Variants in UBAC2 observed in about 807,000 individuals in gnomAD.
UBAC2 encodes UBA domain containing 2.
Under a neutral mutation model 44.0 loss-of-function variants are expected in UBAC2, and 26 were observed. That is an observed-to-expected ratio of 0.59 (90% CI 0.43 to 0.82). The LOEUF is 0.82. Ranked by LOEUF, UBAC2 falls within the 40% of genes least tolerant of loss-of-function variation. The pLI is 0.00. For synonymous variants in UBAC2, 155 were observed against 154.3 expected, an observed-to-expected ratio of 1.00 and a Z score of -0.04; for missense variants, 329 against 419.4, an observed-to-expected ratio of 0.78 and a Z score of 1.88.
chr13:99,224,999 C>A (rs1179528417), intron 1 of UBAC2, among the ~76,000 whole-genome samples: 1 of 152,050 alleles, frequency 6.6e-6, no homozygotes, highest in Non-Finnish European at 1.5e-5. Flanking sequence ...GATTTTTGCT[C>A]ATTTTGAGAG....
At chr13:99,316,739 T>C (rs1594120530) in intron 5 of UBAC2, among the ~76,000 whole-genome samples, 1 of 152,218 alleles carries the variant, frequency 6.6e-6, no homozygotes, top group South Asian at 2.1e-4. Flanking sequence ...GACAAAATGA[T>C]ACGCTCTTTT....
intron 1 of UBAC2, among the ~76,000 whole-genome samples, chr13:99,204,884 AG>A (rs1313646139): frequency 6.9e-6 from 1 of 144,962 alleles, no homozygotes; most frequent in Non-Finnish European, 1.5e-5. Flanking sequence ...CGCAGGTGTA[AG>A]GGGGAGTTTC....
chr13:99,233,037 G>C (rs967561593), intron 1 of UBAC2, among the ~76,000 whole-genome samples: 1 of 152,116 alleles, frequency 6.6e-6, no homozygotes, highest in South Asian at 2.1e-4. Context: ...ATATTTTCTA[G>C]CTCTGATTAC....
At position 99,362,082 on chromosome 13, in the gene UBAC2, T is replaced by C. The variant is rs74730437; in HGVS notation, c.808-5705T>C. Among the ~76,000 whole-genome samples, 1,281 of 152,338 alleles carry C rather than the reference T, an allele frequency of 8.4e-3. 15 individuals are homozygous for C. Among genetic ancestry groups the C allele is most frequent in the African/African-American group, 0.029 (1,203 of 41,556 alleles). ...TTTATGTAAATAGTATTACATTTTA[T>C]TTATATTATTTACATAAACTACATA... On this transcript the variant is annotated intron_variant, in intron 7 of 8. Transcript: ENST00000403766.
intron 1 of UBAC2, chr13:99,201,569 TA>T: frequency 6.2e-7 from 1 of 1,613,840 alleles, no homozygotes; most frequent in South Asian, 1.1e-5. Context: ...GGTCAGCAGG[TA>T]GGGGGCGGAG....
intron 6 of UBAC2, among the ~76,000 whole-genome samples, chr13:99,324,651 AT>A (rs1474250796): frequency 6.6e-6 from 1 of 152,232 alleles, no homozygotes; most frequent in African/African-American, 2.4e-5. Context: ...ACTACGGAAT[AT>A]TCTCCCTATT....
intron 1 of UBAC2, among the ~76,000 whole-genome samples, chr13:99,228,451 GC>G (rs1381207720): frequency 7.9e-5 from 12 of 151,172 alleles, no homozygotes; most frequent in African/African-American, 2.4e-4. Flanking sequence ...ACCCCACCAC[GC>G]CCGGCTAATT....
intron 4 of UBAC2, among the ~76,000 whole-genome samples, chr13:99,271,673 C>T (rs916046426): frequency 6.6e-6 from 1 of 152,194 alleles, no homozygotes; most frequent in South Asian, 2.1e-4. Flanking sequence ...TTCACTTCTG[C>T]TTCTCAGGTT....
chr13:99,252,716 A>G (rs1277141279), intron 4 of UBAC2, among the ~76,000 whole-genome samples: 1 of 152,230 alleles, frequency 6.6e-6, no homozygotes. Context: ...TTTACATATT[A>G]TGTTTAAATG....
chr13:99,208,638 C>T (rs1300139111), intron 1 of UBAC2, among the ~76,000 whole-genome samples: 3 of 152,162 alleles, frequency 2.0e-5, no homozygotes, highest in African/African-American at 7.2e-5. Flanking sequence ...CATCTCTGTC[C>T]GAAAAAGCGG....
rs911542753 is a variant in UBAC2 at position 99,252,910 on chromosome 13, C to T, written c.389+8286C>T. Among the ~76,000 whole-genome samples, 4 of 152,050 alleles carry T rather than the reference C, an allele frequency of 2.6e-5. No homozygotes were observed. The South Asian group carries it at 6.2e-4, about 24-fold the overall frequency. On this transcript the variant is annotated intron_variant, in intron 4 of 8. Coordinates refer to ENST00000403766, the MANE Select transcript of UBAC2 (RefSeq NM_001144072.2). Reference sequence around the variant, plus strand: ...TGCTCTGAGACTAAACTCTTCTTATCAAGACAAGCTATGGCAGAGAACTTT... The same window carrying T: ...TGCTCTGAGACTAAACTCTTCTTATTAAGACAAGCTATGGCAGAGAACTTT...
rs554827779 is a variant in UBAC2, at chr13:99,242,287, G to A, written c.160-1545G>A. The stretch of plus-strand genomic sequence containing the variant: ...CAGACGGGGTGGTGGCCGGGCAGAG[G>A]TGCCCCTCACCTCCCGGACGGGGCG... On this transcript the variant is annotated intron_variant, in intron 2 of 8. Transcript: ENST00000403766. Among the ~76,000 whole-genome samples the A allele has an allele frequency of 9.9e-3, 1,512 of 152,172 alleles. 27 individuals are homozygous for A. Among genetic ancestry groups the A allele is most frequent in the African/African-American group, 0.035 (1,464 of 41,502 alleles).
chr13:99,217,586 T>TG (rs1173547984), intron 1 of UBAC2, among the ~76,000 whole-genome samples: 1 of 152,180 alleles, frequency 6.6e-6, no homozygotes, highest in Non-Finnish European at 1.5e-5. Context: ...CACCCCGGCT[T>TG]GGGGCCAGCT....
chr13:99,234,254 C>A, intron 1 of UBAC2: 1 of 174,092 alleles, frequency 5.7e-6, no homozygotes. Context: ...ACAATCTCGG[C>A]TCACTGCAAC....
intron 1 of UBAC2, among the ~76,000 whole-genome samples, chr13:99,224,401 G>A (rs1309011747): frequency 1.3e-5 from 2 of 152,150 alleles, no homozygotes; most frequent in East Asian, 1.9e-4. Flanking sequence ...GAAACGTTCA[G>A]TCCATAACAG....
intron 6 of UBAC2, among the ~76,000 whole-genome samples, chr13:99,323,426 C>A (rs1253258943): frequency 2.6e-5 from 4 of 152,068 alleles, no homozygotes; most frequent in African/African-American, 9.7e-5. Context: ...CATGGCAAAA[C>A]CCTGTTTCTA....
chr13:99,203,081 A>G (rs1055022524), intron 1 of UBAC2, among the ~76,000 whole-genome samples: 21 of 150,666 alleles, frequency 1.4e-4, no homozygotes, highest in Non-Finnish European at 2.8e-4. Context: ...ACTGTTGCCC[A>G]GGCTGGAGTG....
intron 1 of UBAC2, among the ~76,000 whole-genome samples, chr13:99,218,137 A>T (rs2043017508): frequency 6.6e-6 from 1 of 152,214 alleles, no homozygotes. Flanking sequence ...TTTTAAAATT[A>T]TTATTTCATT....
At chr13:99,240,953 G>T (rs1414404315) in intron 2 of UBAC2, among the ~76,000 whole-genome samples, 1 of 152,122 alleles carries the variant, frequency 6.6e-6, no homozygotes, top group Non-Finnish European at 1.5e-5. Flanking sequence ...TAGTTTCTCT[G>T]TGCCTCTTTT....
Sources: allele counts gnomAD v4.1 joint callset (sites outside exome capture counted in the v4.1 genomes callset), GRCh38; gene constraint gnomAD v4.1.1; transcripts MANE v1.5; gene names NCBI Gene and HGNC (gene_info 2026-07-23, HGNC 2026-07-21).